CD163L1: variants seen among roughly 807,000 people sequenced by gnomAD.
CD163L1 encodes scavenger receptor cysteine-rich type 1 protein M160.
CD163L1 carries 124 observed loss-of-function variants against 165.4 expected under a neutral mutation model. That is an observed-to-expected ratio of 0.75 (90% CI 0.65 to 0.87). The LOEUF is 0.87. CD163L1 is among the 40% of genes least tolerant of loss of function. The pLI, the probability that CD163L1 is intolerant of heterozygous loss-of-function variation, is 0.00. For synonymous variants in CD163L1, 585 were observed against 662.2 expected (o/e 0.88, Z 1.79); for missense variants, 1,525 against 1,799.9 (o/e 0.85, Z 2.76).
downstream of CD163L1, among the ~76,000 whole-genome samples, chr12:7,345,131 G>GT (rs1317465014): frequency 0.023 from 3,447 of 148,410 alleles, 48 homozygotes; most frequent in Middle Eastern, 0.043. Context: ...TACTGATAAT[G>GT]CTTTTTTTTT....
chr12:7,343,336 CAAAG>C (rs767175102), downstream of CD163L1, among the ~76,000 whole-genome samples: 3 of 152,174 alleles, frequency 2.0e-5, no homozygotes, highest in Non-Finnish European at 4.4e-5. Context: ...CAATTTGTGA[CAAAG>C]AATGGTTGAA....
chr12:7,323,495 AAAG>A, the CD163L1 span: 1 of 1,613,972 alleles, frequency 6.2e-7, no homozygotes, highest in Non-Finnish European at 8.5e-7. Context: ...ACCACCTGGC[AAAG>A]AAGGGGAAAT....
chr12:7,402,369 TTG>T (rs527265060), intron 6 of CD163L1, among the ~76,000 whole-genome samples: 9 of 151,424 alleles, frequency 5.9e-5, no homozygotes, highest in Admixed American at 6.6e-5. Flanking sequence ...TATAAGGTAT[TTG>T]TGTGTGTGTG....
chr12:7,333,716 A>G, the CD163L1 span, among the ~76,000 whole-genome samples: 24 of 152,174 alleles, frequency 1.6e-4, 1 homozygote, highest in Non-Finnish European at 2.2e-4. Context: ...TTTTTTGAAA[A>G]GATCAACAAA....
At chr12:7,337,337 A>G in the CD163L1 span, among the ~76,000 whole-genome samples, 1 of 152,240 alleles carries the variant, frequency 6.6e-6, no homozygotes, top group Admixed American at 6.5e-5. Context: ...GTTAAACTAA[A>G]GAGCTTTTGC....
intron 4 of CD163L1, among the ~76,000 whole-genome samples, chr12:7,423,339 G>C (rs1458455231): frequency 6.6e-6 from 1 of 152,068 alleles, no homozygotes; most frequent in Non-Finnish European, 1.5e-5. Context: ...AGTGCTAAGA[G>C]GGAAATTTAT....
chr12:7,389,959 T>TA lies in CD163L1; in HGVS notation c.2050+6135_2050+6136insT, dbSNP rs1491496396. Among the ~76,000 whole-genome samples the TA allele has an allele frequency of 1.5e-3, 185 of 120,062 alleles. No individual in the cohort carries two copies. In the Middle Eastern group the frequency reaches 0.019, roughly 12 times the overall value. 78.8% of individuals were successfully genotyped at this position (120,062 alleles called of 152,430 possible). A position where few individuals can be genotyped will look rare whatever the true frequency, so the allele number is the denominator to read the frequency against. ...TAATTAAACATTTTATATATATATA[T>TA]TTATATATATATATATATATATATG... On this transcript the variant is annotated intron_variant, in intron 8 of 19. Transcript: ENST00000313599.
the CD163L1 span, among the ~76,000 whole-genome samples, chr12:7,332,912 G>A: frequency 2.0e-5 from 3 of 152,224 alleles, no homozygotes; most frequent in Admixed American, 2.0e-4. Flanking sequence ...CATAATGACA[G>A]GATCAAATTC....
chr12:7,439,696 T>C, intron 2 of CD163L1: 1 of 1,612,158 alleles, frequency 6.2e-7, no homozygotes, highest in African/African-American at 1.3e-5. Context: ...TTCTTTACAG[T>C]CCTCCAGGTG....
chr12:7,398,598 A>G lies in CD163L1; in HGVS notation c.1409-14T>C. On this transcript the variant is annotated splice_polypyrimidine_tract_variant and intron_variant, in intron 6 of 19. Transcript: ENST00000313599. This position sits in a 1 kb window ranked among gnomAD's most constrained non-coding sequence, Gnocchi z 4.5. ...GATCTGCCTTATCTGCAAGCAAGACAAAACCACATATTTGAGATCAAATGA... is the reference window on the plus strand; with the variant it reads ...GATCTGCCTTATCTGCAAGCAAGACGAAACCACATATTTGAGATCAAATGA... 6.5e-7 allele frequency: 1 copy of G among 1,534,752 alleles called. No individual in the cohort carries two copies. Among genetic ancestry groups the G allele is most frequent in the Non-Finnish European group, 8.7e-7 (1 of 1,145,130 alleles).
chr12:7,320,870 C>G, the CD163L1 span: 1 of 1,358,776 alleles, frequency 7.4e-7, no homozygotes. Flanking sequence ...ACAGATCTCT[C>G]TTTTTCAGCA....
intron 9 of CD163L1, 115 bp from the exon 10 acceptor site, chr12:7,376,129 C>T: frequency 1.2e-6 from 1 of 825,932 alleles, no homozygotes. Flanking sequence ...TAGAACATCC[C>T]ATTCGTAGGG....
At chr12:7,394,567 G>T (rs1947732908) in intron 8 of CD163L1, among the ~76,000 whole-genome samples, 1 of 152,026 alleles carries the variant, frequency 6.6e-6, no homozygotes, top group Admixed American at 6.6e-5. Flanking sequence ...CAAAAGCAAT[G>T]GCAACAAAAG....
chr12:7,338,273 C>T, the CD163L1 span, among the ~76,000 whole-genome samples: 2 of 152,076 alleles, frequency 1.3e-5, no homozygotes, highest in Non-Finnish European at 2.9e-5. Flanking sequence ...TGTAACAAAC[C>T]TGCACATTCT....
intron 9 of CD163L1, 50 bp from the exon 10 acceptor site, chr12:7,376,064 TC>T (rs1162819565): frequency 2.0e-6 from 3 of 1,517,828 alleles, no homozygotes; most frequent in Non-Finnish European, 1.8e-6. Context: ...CCAATATCTA[TC>T]CCTGTCTCCA....
At position 7,368,258 on chromosome 12, in the gene CD163L1, C is replaced by A; in HGVS notation, c.4073-61G>T. ...AGTAGATATCAATTGTGGGTTTATA[C>A]ATTGTAAAAAAAACTGGTTCCCTAG... On this transcript the variant is annotated intron_variant, in intron 16 of 19. Coordinates refer to ENST00000313599, the MANE Select transcript of CD163L1 (RefSeq NM_174941.6). The surrounding 1 kb of genome is among the most constrained non-coding windows in gnomAD (Gnocchi z 4.3). 1.1e-6 allele frequency: 1 copy of A among 939,652 alleles called. No individual in the cohort carries two copies. Among genetic ancestry groups the A allele is most frequent in the South Asian group, 1.5e-5 (1 of 64,928 alleles). 58.2% of individuals were successfully genotyped at this position (939,652 alleles called of 1,614,324 possible). A position where few individuals can be genotyped will look rare whatever the true frequency, so the allele number is the denominator to read the frequency against.
intron 2 of CD163L1, among the ~76,000 whole-genome samples, chr12:7,437,425 T>C (rs1309096298): frequency 6.6e-6 from 1 of 151,664 alleles, no homozygotes; most frequent in Admixed American, 6.6e-5. Context: ...CGTGTTGGTG[T>C]GCTGCACCCA....
At chr12:7,395,591 A>G (rs1308586687) in intron 8 of CD163L1, among the ~76,000 whole-genome samples, 1 of 152,182 alleles carries the variant, frequency 6.6e-6, no homozygotes, top group African/African-American at 2.4e-5. Flanking sequence ...CTTAAAGTAT[A>G]ATAATAAAAA....
chr12:7,362,082 T>C (rs1946903980), intron 18 of CD163L1, among the ~76,000 whole-genome samples: 1 of 149,432 alleles, frequency 6.7e-6, no homozygotes, highest in Non-Finnish European at 1.5e-5. Flanking sequence ...ATTGTATATA[T>C]ACACATACAT....
Sources: allele counts gnomAD v4.1 joint callset (sites outside exome capture counted in the v4.1 genomes callset), GRCh38; gene constraint gnomAD v4.1.1; non-coding constraint Gnocchi (gnomAD v3.1); transcripts MANE v1.5; gene names NCBI Gene and HGNC (gene_info 2026-07-23, HGNC 2026-07-21).